Variants in ARSB observed in about 807,000 individuals in gnomAD.
The protein encoded by ARSB is N-acetylgalactosamine-4-sulfatase.
In ARSB, 41 loss-of-function variants were observed where a neutral mutation model predicts 50.9. That is an observed-to-expected ratio of 0.81 (90% CI 0.63 to 1.04). ARSB has a LOEUF of 1.04. Ranked by LOEUF, ARSB falls within the 50% of genes least tolerant of loss-of-function variation. The pLI is 0.00. For synonymous variants in ARSB, 269 were observed against 284.8 expected, an observed-to-expected ratio of 0.94 and a Z score of 0.56; for missense variants, 672 against 693.3, an observed-to-expected ratio of 0.97 and a Z score of 0.35.
rs1185355030 is a variant in ARSB at position 78,834,607 on chromosome 5, G to GTGTATATATATATA, written c.1213+4748_1213+4749insTATATATATATACA. ...ATACTATTTCATGGTATATATATGT[G>GTGTATATATATATA]TATATATATATATATATATATATAT... On this transcript the variant is annotated intron_variant, in intron 6 of 7. Transcript: ENST00000264914. Among the ~76,000 whole-genome samples, 29 of 85,600 alleles carry GTGTATATATATATA rather than the reference G, an allele frequency of 3.4e-4. 1 individual carries two copies. The highest frequency in any genetic ancestry group is 4.4e-4 in the African/African-American group (11 of 25,156). The allele number at this position is 85,600 out of a possible 152,430, so 56.2% of individuals were successfully genotyped here. A position where few individuals can be genotyped will look rare whatever the true frequency, so the allele number is the denominator to read the frequency against.
intron 4 of ARSB, among the ~76,000 whole-genome samples, chr5:78,905,910 CAAAAAAAAAAAAAAAA>C (rs57651882): frequency 2.1e-5 from 2 of 94,434 alleles, no homozygotes; most frequent in African/African-American, 8.4e-5. Flanking sequence ...AGCAAAGTAG[CAAAAAAAAAAAAAAAA>C]AAAAAAAAAA....
At chr5:78,869,691 A>C (rs1747016440) in intron 5 of ARSB, among the ~76,000 whole-genome samples, 2 of 150,872 alleles carry the variant, frequency 1.3e-5, no homozygotes, top group South Asian at 2.1e-4. Flanking sequence ...TATAGCACTA[A>C]ATGCCCACAA....
Position 78,885,841 on chromosome 5 carries a change from AG to A in ARSB, c.899-15del. On this transcript the variant is annotated splice_polypyrimidine_tract_variant and intron_variant, in intron 4 of 7. Coordinates refer to ENST00000264914, the MANE Select transcript of ARSB (RefSeq NM_000046.5). ...GCCCTCCGTTATCTGAAACACAGTA[AG>A]GTCTTGGCATGAGGATGATGTTAAC... 6.2e-7 allele frequency: 1 copy of A among 1,614,192 alleles called. No homozygotes were observed. Among genetic ancestry groups the A allele is most frequent in the Non-Finnish European group, 8.5e-7 (1 of 1,180,036 alleles).
intron 2 of ARSB, among the ~76,000 whole-genome samples, chr5:78,966,747 G>A (rs1430792674): frequency 6.6e-6 from 1 of 152,086 alleles, no homozygotes; most frequent in African/African-American, 2.4e-5. Context: ...AATATCTACA[G>A]CCCATCCTCT....
At chr5:78,860,316 G>A (rs1746371295) in intron 5 of ARSB, among the ~76,000 whole-genome samples, 1 of 152,094 alleles carries the variant, frequency 6.6e-6, no homozygotes, top group Non-Finnish European at 1.5e-5. Context: ...CCTGTATTGG[G>A]TGCATATATA....
At chr5:78,907,495 C>G (rs1191275191) in intron 4 of ARSB, among the ~76,000 whole-genome samples, 2 of 152,188 alleles carry the variant, frequency 1.3e-5, no homozygotes, top group African/African-American at 4.8e-5. Context: ...TGTCGGAACT[C>G]AGCTGGTTGC....
intron 4 of ARSB, among the ~76,000 whole-genome samples, chr5:78,917,669 C>G (rs957998383): frequency 2.0e-5 from 3 of 152,102 alleles, no homozygotes; most frequent in Non-Finnish European, 4.4e-5. Flanking sequence ...TGTGCCACCA[C>G]ACCCAGCTAA....
At chr5:78,919,517 G>T (rs1749705750) in intron 4 of ARSB, among the ~76,000 whole-genome samples, 1 of 151,824 alleles carries the variant, frequency 6.6e-6, no homozygotes, top group African/African-American at 2.4e-5. Context: ...TTTTGAGAGG[G>T]AGTCTCGCTC....
Position 78,885,738 on chromosome 5 carries a change from C to A in ARSB, c.988G>T (p.Gly330Cys). 6.2e-7 allele frequency: 1 copy of A among 1,614,096 alleles called. No individual in the cohort carries two copies. Among genetic ancestry groups the A allele is most frequent in the African/African-American group, 1.3e-5 (1 of 75,006 alleles). ...TTCAGCAAGGGGCTTGCCACAAAGC[C>A]CACCCCTCGGACGCCTCCTTCCCAC... is the stretch of plus-strand genomic sequence containing the variant. ...SLWEGGVRGV[G>C]FVASPLLKQK... The change falls in exon 5 of 8, where the codon GGC becomes TGC. Residue 330 changes from glycine to cysteine, a missense_variant. Gly to Cys is a radical substitution (Grantham distance 159). Coordinates refer to ENST00000264914, the MANE Select transcript of ARSB (RefSeq NM_000046.5).
intron 4 of ARSB, among the ~76,000 whole-genome samples, chr5:78,919,586 G>A (rs1315224985): frequency 1.3e-5 from 2 of 152,054 alleles, no homozygotes; most frequent in African/African-American, 4.8e-5. Context: ...TCCGCCTCCC[G>A]GATTCAAGTG....
At chr5:78,893,262 T>C (rs1748402952) in intron 4 of ARSB, among the ~76,000 whole-genome samples, 1 of 152,144 alleles carries the variant, frequency 6.6e-6, no homozygotes, top group Non-Finnish European at 1.5e-5. Flanking sequence ...CCATTAAACC[T>C]TTTTCTTTAT....
chr5:78,780,495 G>T lies in ARSB; in HGVS notation c.1504C>A (p.Leu502Ile), dbSNP rs1580961067. ...PHIVTKLLSR[L>I]QFYHKHSVPV... ...ACTGAGTGTTTATGGTAGAACTGTA[G>T]GCGGGACAGGAGCTTTGTGACGATG... The change falls in exon 8 of 8, where the codon CTA becomes ATA. Residue 502 changes from leucine (L) to isoleucine (I), a missense_variant. Coordinates refer to ENST00000264914, the MANE Select transcript of ARSB (RefSeq NM_000046.5). 11 of 1,614,176 alleles carry T rather than the reference G, an allele frequency of 6.8e-6. No individual in the cohort carries two copies. Among genetic ancestry groups the T allele is most frequent in the Non-Finnish European group, 9.3e-6 (11 of 1,180,032 alleles).
chr5:78,887,301 G>GGT (rs367567273), intron 4 of ARSB, among the ~76,000 whole-genome samples: 1 of 152,074 alleles, frequency 6.6e-6, no homozygotes, highest in African/African-American at 2.4e-5. Context: ...GGACCAAAGA[G>GGT]CAGGAAGAGC....
At position 78,834,195 on chromosome 5, in the gene ARSB, G is replaced by GT. The variant is rs1483227052; in HGVS notation, c.1213+5160dup. The stretch of plus-strand genomic sequence containing the variant: ...AAGATAGAGACCCTATTCTCATGCA[G>GT]TTTCTCTTCAGTTTTGGAAGGAGGG... On this transcript the variant is annotated intron_variant, in intron 6 of 7. Coordinates refer to ENST00000264914, the MANE Select transcript of ARSB (RefSeq NM_000046.5). Among the ~76,000 whole-genome samples the GT allele has an allele frequency of 5.3e-5, 8 of 152,216 alleles. No individual in the cohort carries two copies. In the East Asian group the frequency reaches 1.2e-3, roughly 22 times the overall value.
intron 6 of ARSB, among the ~76,000 whole-genome samples, chr5:78,833,183 T>C (rs1744772487): frequency 6.6e-6 from 1 of 152,124 alleles, no homozygotes; most frequent in African/African-American, 2.4e-5. Context: ...AGAGCTGAAT[T>C]CAGACCTGCA....
intron 6 of ARSB, among the ~76,000 whole-genome samples, chr5:78,784,056 G>A (rs1466876736): frequency 6.6e-6 from 1 of 152,100 alleles, no homozygotes; most frequent in Non-Finnish European, 1.5e-5. Context: ...AGTCTCCTTT[G>A]TTCTTATCCT....
chr5:78,888,117 TGACA>T (rs139386434), intron 4 of ARSB, among the ~76,000 whole-genome samples: 2,413 of 152,312 alleles, frequency 0.016, 77 homozygotes, highest in South Asian at 0.11. Flanking sequence ...CATGGGTCGG[TGACA>T]GACAATCTCA....
At chr5:78,817,606 C>T (rs992616150) in intron 6 of ARSB, among the ~76,000 whole-genome samples, 4 of 151,932 alleles carry the variant, frequency 2.6e-5, no homozygotes, top group South Asian at 2.1e-4. Flanking sequence ...GTCAGGAGTC[C>T]GAGACCAGCC....
At chr5:78,960,478 T>C (rs1260728795) in intron 3 of ARSB, among the ~76,000 whole-genome samples, 2 of 152,226 alleles carry the variant, frequency 1.3e-5, no homozygotes, top group Non-Finnish European at 2.9e-5. Context: ...CCACTAGAAA[T>C]TAACATTTTC....
Sources: allele counts gnomAD v4.1 joint callset (sites outside exome capture counted in the v4.1 genomes callset), GRCh38; gene constraint gnomAD v4.1.1; transcripts MANE v1.5; gene names NCBI Gene and HGNC (gene_info 2026-07-23, HGNC 2026-07-21).